Variants in TNS3 observed in about 807,000 individuals in gnomAD.
The protein encoded by TNS3 is tensin 3.
A neutral mutation model predicts 140.9 loss-of-function variants in TNS3; 45 were observed. That is an observed-to-expected ratio of 0.32 (90% CI 0.25 to 0.41). The LOEUF is 0.41. Among genes scored for constraint, TNS3 ranks in the 10% least tolerant of loss-of-function variants. The pLI, the probability that TNS3 is intolerant of heterozygous loss-of-function variation, is 1.00. For missense variants in TNS3, 1,716 were observed against 1,906.7 expected, an observed-to-expected ratio of 0.90 and a Z score of 1.86; for synonymous variants, 815 against 788.4, an observed-to-expected ratio of 1.03 and a Z score of -0.56.
At chr7:47,561,961 A>C (rs1027963793) in intron 1 of TNS3, among the ~76,000 whole-genome samples, 1 of 152,250 alleles carries the variant, frequency 6.6e-6, no homozygotes, top group African/African-American at 2.4e-5. Context: ...TTTCCTTTAA[A>C]CCACTAAGTT....
At chr7:47,494,622 G>C (rs1042421576) in intron 3 of TNS3, among the ~76,000 whole-genome samples, 1 of 152,164 alleles carries the variant, frequency 6.6e-6, no homozygotes, top group Non-Finnish European at 1.5e-5. Context: ...AAGGAAGCCT[G>C]CGGGCTTCGG....
At chr7:47,349,402 C>T (rs1000259846) in intron 17 of TNS3, among the ~76,000 whole-genome samples, 1 of 152,268 alleles carries the variant, frequency 6.6e-6, no homozygotes, top group Non-Finnish European at 1.5e-5. Flanking sequence ...TATCCTGCCA[C>T]TGGGACCACC....
At chr7:47,464,540 TCA>T (rs1259858100) in intron 4 of TNS3, among the ~76,000 whole-genome samples, 1 of 152,074 alleles carries the variant, frequency 6.6e-6, no homozygotes, top group Non-Finnish European at 1.5e-5. Context: ...TGAACAGACT[TCA>T]GTTTGCATCA....
At chr7:47,320,949 C>A (rs1248155221) in intron 20 of TNS3, among the ~76,000 whole-genome samples, 1 of 152,168 alleles carries the variant, frequency 6.6e-6, no homozygotes. Context: ...GGCAAGCACT[C>A]GAAAGATCCA....
intron 1 of TNS3, among the ~76,000 whole-genome samples, chr7:47,562,548 G>A (rs879332179): frequency 2.0e-4 from 31 of 152,040 alleles, no homozygotes; most frequent in Admixed American, 1.6e-3. Flanking sequence ...CACCACACTC[G>A]GCTAATTTTT....
At chr7:47,404,171 G>C (rs1793314229) in intron 13 of TNS3, among the ~76,000 whole-genome samples, 2 of 152,176 alleles carry the variant, frequency 1.3e-5, no homozygotes, top group Admixed American at 6.5e-5. Flanking sequence ...CCACAACAAA[G>C]GCTGCGCACA....
chr7:47,582,500 G>A (rs1261741444), upstream of TNS3: 3 of 456,470 alleles, frequency 6.6e-6, no homozygotes, highest in Non-Finnish European at 1.3e-5. Context: ...TGATTAAGGT[G>A]CTCTCCGGGA....
intron 27 of TNS3, 112 bp from the exon 28 acceptor site, chr7:47,283,977 A>G: frequency 2.0e-6 from 2 of 1,022,484 alleles, no homozygotes; most frequent in Non-Finnish European, 2.7e-6. Flanking sequence ...CAACTTGCGC[A>G]TGTGGCCTAT....
chr7:47,427,274 G>A (rs146069836), intron 9 of TNS3, among the ~76,000 whole-genome samples: 391 of 152,150 alleles, frequency 2.6e-3, no homozygotes, highest in African/African-American at 8.9e-3. Context: ...CACACACACC[G>A]ATGATTATTC....
At chr7:47,406,412 T>C (rs1398671553) in intron 13 of TNS3, among the ~76,000 whole-genome samples, 2 of 152,190 alleles carry the variant, frequency 1.3e-5, no homozygotes, top group Non-Finnish European at 1.5e-5. Context: ...TGGCCCTTCC[T>C]TCTCTGTGAA....
chr7:47,281,920 A>G (rs1242383188), intron 28 of TNS3, among the ~76,000 whole-genome samples: 1 of 127,672 alleles, frequency 7.8e-6, no homozygotes. Flanking sequence ...CAGCCTAGCC[A>G]TGCCCCTGAC....
intron 8 of TNS3, among the ~76,000 whole-genome samples, chr7:47,434,972 A>C (rs1795105418): frequency 6.6e-6 from 1 of 152,248 alleles, no homozygotes. Context: ...GCTTTCCATG[A>C]AAAATAAAAT....
intron 4 of TNS3, among the ~76,000 whole-genome samples, chr7:47,443,997 GA>G (rs1795597512): frequency 6.6e-6 from 1 of 152,128 alleles, no homozygotes; most frequent in South Asian, 2.1e-4. Context: ...TGAAGTCTCC[GA>G]AAAGGTAAGG....
intron 2 of TNS3, among the ~76,000 whole-genome samples, chr7:47,515,704 C>T (rs760721448): frequency 8.5e-5 from 13 of 152,084 alleles, no homozygotes; most frequent in Non-Finnish European, 1.3e-4. Context: ...TCATCAATCA[C>T]GCCACCACCC....
intron 17 of TNS3, among the ~76,000 whole-genome samples, chr7:47,352,684 T>C (rs964792664): frequency 6.6e-6 from 1 of 152,148 alleles, no homozygotes; most frequent in Non-Finnish European, 1.5e-5. Context: ...GAGGGGTTGG[T>C]TCCTGGCTCC....
At chr7:47,491,681 G>T (rs1797819409) in intron 3 of TNS3, among the ~76,000 whole-genome samples, 1 of 152,158 alleles carries the variant, frequency 6.6e-6, no homozygotes, top group Non-Finnish European at 1.5e-5. Flanking sequence ...TGATGATGAG[G>T]CTGCAGCAAT....
At chr7:47,457,777 T>TG (rs527668406) in intron 4 of TNS3, among the ~76,000 whole-genome samples, 5 of 152,224 alleles carry the variant, frequency 3.3e-5, no homozygotes, top group Admixed American at 6.5e-5. Context: ...GGAAAGGACT[T>TG]GGAGGCAGGG....
chr7:47,546,940 C>T (rs150406921), intron 1 of TNS3, among the ~76,000 whole-genome samples: 1 of 152,348 alleles, frequency 6.6e-6, no homozygotes, highest in Non-Finnish European at 1.5e-5. Context: ...TTTAAGGTCA[C>T]CCCCTTGACT....
intron 1 of TNS3, among the ~76,000 whole-genome samples, chr7:47,555,952 C>T (rs1054432300): frequency 1.3e-5 from 2 of 152,256 alleles, no homozygotes; most frequent in Non-Finnish European, 2.9e-5. Context: ...ACACATAATA[C>T]ACACATGCAC....
Sources: gnomAD v4.1 joint callset for allele counts (sites outside exome capture counted in the v4.1 genomes callset) on GRCh38, gnomAD v4.1.1 for gene constraint, MANE v1.5 for transcripts, NCBI Gene and HGNC (gene_info 2026-07-23, HGNC 2026-07-21) for gene names.